The following C12orf42 variants were observed in gnomAD, a reference collection of about 807,000 sequenced individuals.
C12orf42 encodes the protein uncharacterized protein C12orf42.
C12orf42 carries 25 observed loss-of-function variants against 21.6 expected under a neutral mutation model. The ratio of observed to expected loss-of-function variants is 1.16; its 90% CI spans 0.84 to 1.62. The LOEUF (loss-of-function observed/expected upper bound fraction) is 1.62, where lower values mean the gene tolerates loss of function less well. C12orf42 is among the 40% of genes most tolerant of loss of function. The pLI, the probability that C12orf42 is intolerant of heterozygous loss-of-function variation, is 0.00. For missense variants in C12orf42, 483 were observed against 459.3 expected, an observed-to-expected ratio of 1.05 and a Z score of -0.47; for synonymous variants, 174 against 175.0, an observed-to-expected ratio of 0.99 and a Z score of 0.05.
At chr12:103,538,368 A>G in the C12orf42 span, among the ~76,000 whole-genome samples, 1 of 152,226 alleles carries the variant, frequency 6.6e-6, no homozygotes, top group Non-Finnish European at 1.5e-5. Flanking sequence ...TACTGTTTAC[A>G]TTTTATTTTA....
chr12:103,139,610 A>G, the C12orf42 span, among the ~76,000 whole-genome samples: 2 of 152,190 alleles, frequency 1.3e-5, no homozygotes, highest in Non-Finnish European at 2.9e-5. Flanking sequence ...AGAAAGAAAG[A>G]AAGAAAGAAA....
intron 2 of C12orf42, among the ~76,000 whole-genome samples, chr12:103,445,989 A>C (rs372552685): frequency 6.6e-6 from 1 of 152,028 alleles, no homozygotes; most frequent in East Asian, 1.9e-4. Context: ...AGATAAGTCC[A>C]TAGTTTCATC....
At chr12:103,347,789 A>G (rs1401669578) in intron 4 of C12orf42, among the ~76,000 whole-genome samples, 1 of 152,180 alleles carries the variant, frequency 6.6e-6, no homozygotes, top group Non-Finnish European at 1.5e-5. Context: ...TGACTAAAAA[A>G]CAGGAGGGAG....
intron 5 of C12orf42, among the ~76,000 whole-genome samples, chr12:103,275,408 T>G (rs1366264215): frequency 6.6e-6 from 1 of 152,036 alleles, no homozygotes; most frequent in Non-Finnish European, 1.5e-5. Context: ...AACAAAAAAC[T>G]TAAATGCACA....
At chr12:103,209,499 C>T in the C12orf42 span, among the ~76,000 whole-genome samples, 7 of 152,128 alleles carry the variant, frequency 4.6e-5, no homozygotes, top group African/African-American at 1.7e-4. Context: ...GTTACACATT[C>T]CTTGAAGTAT....
the C12orf42 span, among the ~76,000 whole-genome samples, chr12:103,118,734 C>T: frequency 8.5e-6 from 1 of 117,796 alleles, no homozygotes; most frequent in Non-Finnish European, 1.6e-5. Context: ...GAAGGCAGAG[C>T]TTGCAGTGAG....
At position 103,368,874 on chromosome 12, in the gene C12orf42, T is replaced by C; in HGVS notation, c.259+13A>G. The C allele has an allele frequency of 2.2e-6, 3 of 1,394,096 alleles. No homozygotes were observed. The highest frequency in any genetic ancestry group is 3.0e-6 in the Non-Finnish European group (3 of 997,092). 86.4% of individuals were successfully genotyped at this position (1,394,096 alleles called of 1,614,324 possible). On this transcript the variant is annotated intron_variant, in intron 4 of 5. Transcript: ENST00000548883. ...GAAACTCTGGTCTGTCTTGGGATTA[T>C]GTCTTAATTTACCTGGAAAATTCAG... is the stretch of plus-strand genomic sequence containing the variant.
chr12:103,347,593 G>C (rs2042742208), intron 4 of C12orf42, among the ~76,000 whole-genome samples: 1 of 152,074 alleles, frequency 6.6e-6, no homozygotes, highest in African/African-American at 2.4e-5. Flanking sequence ...ATTATTCAAA[G>C]AACAGTGCCA....
chr12:103,260,908 G>A (rs747504028), intron 10 of C12orf42, among the ~76,000 whole-genome samples: 2 of 152,018 alleles, frequency 1.3e-5, no homozygotes, highest in Non-Finnish European at 2.9e-5. Context: ...GTTGTCCCCT[G>A]AGTAGTCATG....
rs2047999637 is a variant in C12orf42 at position 103,401,586 on chromosome 12, C to CAT, written c.147+19_147+20dup. On this transcript the variant is annotated intron_variant, in intron 3 of 5. Transcript: ENST00000548883. ...GACGGCACTATGGAGCAGCCCTGCA[C>CAT]ATAACATTCCGCTGACTCACCTTTG... 5 of 1,610,954 alleles carry CAT rather than the reference C, an allele frequency of 3.1e-6. No homozygotes were observed. The East Asian group carries it at 1.1e-4, about 36-fold the overall frequency.
the C12orf42 span, among the ~76,000 whole-genome samples, chr12:103,556,775 C>T: frequency 3.3e-5 from 5 of 151,950 alleles, no homozygotes; most frequent in Non-Finnish European, 7.4e-5. Context: ...TCTTTGCAGT[C>T]GTAATTAAGT....
chr12:103,212,541 G>A, the C12orf42 span, among the ~76,000 whole-genome samples: 10 of 152,190 alleles, frequency 6.6e-5, no homozygotes, highest in East Asian at 1.9e-3. Flanking sequence ...TCAGATTTTG[G>A]GGGGAGGGCA....
At chr12:103,284,365 G>T (rs1030949426) in intron 4 of C12orf42, among the ~76,000 whole-genome samples, 4 of 152,144 alleles carry the variant, frequency 2.6e-5, no homozygotes, top group African/African-American at 9.7e-5. Flanking sequence ...AAGAAACACA[G>T]AGAAACATTC....
chr12:103,210,639 C>CTTTTTTTTTTTTTTTTTTTTTT, the C12orf42 span, among the ~76,000 whole-genome samples: 12 of 77,642 alleles, frequency 1.5e-4, no homozygotes, highest in African/African-American at 2.3e-4. Context: ...CCCTCTATTT[C>CTTTTTTTTTTTTTTTTTTTTTT]TTTTTTTTTT....
At chr12:103,083,318 C>T in the C12orf42 span, among the ~76,000 whole-genome samples, 6 of 152,060 alleles carry the variant, frequency 3.9e-5, no homozygotes, top group African/African-American at 1.4e-4. Context: ...GAGCTGAGAT[C>T]GCGCCATTGC....
chr12:103,332,565 T>G (rs185026350), intron 4 of C12orf42, among the ~76,000 whole-genome samples: 28 of 152,376 alleles, frequency 1.8e-4, no homozygotes, highest in African/African-American at 6.3e-4. Context: ...CCTGAAAATA[T>G]TTTGGTTATG....
chr12:103,345,350 A>G (rs554218723), intron 4 of C12orf42, among the ~76,000 whole-genome samples: 2 of 152,324 alleles, frequency 1.3e-5, no homozygotes, highest in Non-Finnish European at 2.9e-5. Flanking sequence ...ATACACAGAA[A>G]GCACTTAGAA....
the C12orf42 span, among the ~76,000 whole-genome samples, chr12:103,096,023 A>C: frequency 6.6e-6 from 1 of 152,180 alleles, no homozygotes; most frequent in Non-Finnish European, 1.5e-5. Flanking sequence ...TTCTAAATTT[A>C]TGGAAAATAC....
chr12:103,123,570 A>G, the C12orf42 span, among the ~76,000 whole-genome samples: 1 of 152,176 alleles, frequency 6.6e-6, no homozygotes, highest in Non-Finnish European at 1.5e-5. Flanking sequence ...AAGATAGCCT[A>G]TGTTTAAGGC....
Sources: allele counts gnomAD v4.1 joint callset (sites outside exome capture counted in the v4.1 genomes callset), GRCh38; gene constraint gnomAD v4.1.1; transcripts MANE v1.5; gene names NCBI Gene and HGNC (gene_info 2026-07-23, HGNC 2026-07-21).